EDRF1: variants seen among roughly 807,000 people sequenced by gnomAD.
EDRF1 encodes the protein erythroid differentiation-related factor 1.
A neutral mutation model predicts 148.7 loss-of-function variants in EDRF1; 69 were observed. The ratio of observed to expected loss-of-function variants is 0.46; its 90% confidence interval spans 0.38 to 0.57. The LOEUF is 0.57. Among genes scored for constraint, EDRF1 ranks in the 20% least tolerant of loss-of-function variants. The probability of loss-of-function intolerance (pLI) is 0.00; values close to 1 mark genes in which losing one functional copy is unlikely to be tolerated. For missense variants in EDRF1, 1,118 were observed against 1,478.7 expected (o/e 0.76, Z 4.00); for synonymous variants, 515 against 532.8 (o/e 0.97, Z 0.46).
intron 24 of EDRF1, among the ~76,000 whole-genome samples, chr10:125,756,400 C>T (rs769486569): frequency 2.6e-5 from 4 of 152,194 alleles, no homozygotes; most frequent in Non-Finnish European, 5.9e-5. Flanking sequence ...GAAAAATCTG[C>T]GTGTCCTGCT....
rs2133702537 is a variant in EDRF1 at position 125,735,828 on chromosome 10, G to A, written c.1682G>A (p.Ser561Asn). ...ACCAGCTCTGATCCATCAGATGATA[G>A]CAAAGCAGTAGCTATAATCAAGTCT... ...YSTSSDPSDD[S>N]KAVAIIKSVG... is the part of the protein sequence containing the mutation. The change falls in exon 13 of 25, where the codon AGC becomes AAC. Residue 561 changes from serine (S) to asparagine (N), a missense_variant. Physicochemically the swap from Ser to Asn is conservative, Grantham distance 46. Around this residue, in one of 3 missense-constraint regions of EDRF1, gnomAD observed 954 missense variants for 1,241.4 expected, o/e 0.77. Transcript: ENST00000356792. 2.5e-6 allele frequency: 4 copies of A among 1,613,364 alleles called. No homozygotes were observed. The highest frequency in any genetic ancestry group is 2.5e-6 in the Non-Finnish European group (3 of 1,179,440).
chr10:125,742,568 G>A, intron 17 of EDRF1: 1 of 985,268 alleles, frequency 1.0e-6, no homozygotes, highest in Non-Finnish European at 1.2e-6. Context: ...AGTCCTTGGT[G>A]TATTTTTACT....
intron 17 of EDRF1, 40 bp downstream of exon 17, chr10:125,741,241 T>C: frequency 6.4e-7 from 1 of 1,560,704 alleles, no homozygotes; most frequent in Non-Finnish European, 8.8e-7. Flanking sequence ...ACAGTGGGAC[T>C]GTGCAGTCTA....
At chr10:125,749,324 C>T in intron 21 of EDRF1, 88 bp from the exon 22 acceptor site, 1 of 1,467,348 alleles carries the variant, frequency 6.8e-7, no homozygotes. Flanking sequence ...GTAAGACCCA[C>T]AGTGGGGGAA....
intron 7 of EDRF1, 37 bp from the exon 8 acceptor site, chr10:125,729,321 G>T (rs1564734188): frequency 1.2e-6 from 2 of 1,608,338 alleles, no homozygotes; most frequent in South Asian, 2.2e-5. Context: ...ATTACAGATT[G>T]ACTGTTTATT....
rs759014661 is a variant in EDRF1 at position 125,729,129 on chromosome 10, T to G, written c.894+25T>G. 9.1e-6 allele frequency: 14 copies of G among 1,537,310 alleles called. No individual in the cohort carries two copies. The African/African-American group carries it at 1.2e-4, about 13-fold the overall frequency. On this transcript the variant is annotated intron_variant, in intron 7 of 24. Coordinates refer to ENST00000356792, the MANE Select transcript of EDRF1 (RefSeq NM_001202438.2). ...GGTATGCTTTCCATGGTGTCCAAGGTGACAGCAAATCCCCAGTCTACTTTG... is the reference window on the plus strand; with the variant it reads ...GGTATGCTTTCCATGGTGTCCAAGGGGACAGCAAATCCCCAGTCTACTTTG...
Position 125,735,778 on chromosome 10 carries a change from C to A in EDRF1, c.1632C>A (p.Asp544Glu), listed in dbSNP as rs1848697760. ...GTGAAGAGGAGGAAGAGATGCCCGA[C>A]AGTGATGAAAATGGATCCTATAGCA... The part of the protein sequence containing the change: ...SYSEEEEEMP[D>E]SDENGSYSTS... Residue 544 changes from aspartate to glutamate, a missense_variant, in exon 13 of 25, where the codon GAC becomes GAA. Physicochemically the swap from Asp to Glu is conservative, Grantham distance 45. Transcript: ENST00000356792. 1.2e-6 allele frequency: 2 copies of A among 1,613,766 alleles called. No homozygotes were observed. Among genetic ancestry groups the A allele is most frequent in the African/African-American group, 1.3e-5 (1 of 74,998 alleles).
rs1848620307 is a variant in EDRF1, at chr10:125,734,201, G to A, written c.1497+18G>A. ...ATCCTCAAGTAAGATTAACATTTAT[G>A]TATTCTCTAAAACAATCCTAGCATT... On this transcript the variant is annotated intron_variant, in intron 12 of 24. Transcript: ENST00000356792. 6.5e-7 allele frequency: 1 copy of A among 1,549,014 alleles called. No individual in the cohort carries two copies. The highest frequency in any genetic ancestry group is 1.4e-5 in the African/African-American group (1 of 73,632).
chr10:125,726,796 T>C (rs1350478060), intron 6 of EDRF1, among the ~76,000 whole-genome samples: 1 of 152,230 alleles, frequency 6.6e-6, no homozygotes, highest in East Asian at 1.9e-4. Flanking sequence ...GCAAGTCACA[T>C]AGTGGTAACA....
At chr10:125,748,164 T>C in intron 21 of EDRF1, 152 bp downstream of exon 21, 1 of 869,902 alleles carries the variant, frequency 1.1e-6, no homozygotes, top group Non-Finnish European at 1.9e-6. Flanking sequence ...TGCCTTTTTT[T>C]GTGCTGTGCC....
chr10:125,732,168 TGATTGA>T (rs1370378809), intron 9 of EDRF1, among the ~76,000 whole-genome samples: 1 of 152,148 alleles, frequency 6.6e-6, no homozygotes, highest in Non-Finnish European at 1.5e-5. Context: ...TTTGCAGTCT[TGATTGA>T]AAACCACTGT....
At chr10:125,741,348 G>T in intron 17 of EDRF1, 147 bp downstream of exon 17, 1 of 884,460 alleles carries the variant, frequency 1.1e-6, no homozygotes, top group Non-Finnish European at 1.8e-6. Context: ...ACGGAGTTTC[G>T]CTCTTGTTGC....
chr10:125,750,659 G>A (rs1443748353), intron 22 of EDRF1, among the ~76,000 whole-genome samples: 1 of 152,210 alleles, frequency 6.6e-6, no homozygotes, highest in Admixed American at 6.5e-5. Flanking sequence ...GAGGAAACCT[G>A]GAAGGCCAAG....
chr10:125,758,000 C>T (rs1043085017), intron 24 of EDRF1, among the ~76,000 whole-genome samples: 2 of 152,196 alleles, frequency 1.3e-5, no homozygotes, highest in Non-Finnish European at 2.9e-5. Flanking sequence ...TATTCCACAG[C>T]TCTTGGATAT....
At position 125,737,942 on chromosome 10, in the gene EDRF1, C is replaced by T; in HGVS notation, c.1783C>T (p.His595Tyr). The T allele has an allele frequency of 6.2e-7, 1 of 1,613,894 alleles. No individual in the cohort carries two copies. Among genetic ancestry groups the T allele is most frequent in the Non-Finnish European group, 8.5e-7 (1 of 1,179,888 alleles). Residue 595 changes from histidine to tyrosine, a missense_variant, in exon 14 of 25, where the codon CAT (histidine) becomes TAT (tyrosine). His to Tyr is a moderately conservative substitution (Grantham distance 83, BLOSUM62 2). Transcript: ENST00000356792. ...IRPSCAFPVC[H>Y]DTEERCRLVL... ...GCCCAGTTGTGCATTTCCAGTTTGC[C>T]ATGACACAGAAGAGCGCTGTAGACT...
chr10:125,726,078 T>C (rs1848246582), intron 6 of EDRF1, among the ~76,000 whole-genome samples: 1 of 152,154 alleles, frequency 6.6e-6, no homozygotes, highest in African/African-American at 2.4e-5. Flanking sequence ...AATCGAAATA[T>C]AATAGTTGAC....
In EDRF1 at chr10:125,738,409, G is replaced by A. The variant is rs375678912; in HGVS notation, c.1945G>A (p.Gly649Arg). Residue 649 changes from glycine (G) to arginine (R), a missense_variant, in exon 15 of 25, where the codon GGG becomes AGG. Physicochemically the swap from Gly to Arg is moderately radical, Grantham distance 125. Transcript: ENST00000356792. ...EDESSRGGPE[G>R]LEKQMALFLD... ...TGAATCCTCAAGAGGGGGTCCCGAG[G>A]GGCTAGAGAAGCAGATGGCCTTGTT... is the stretch of plus-strand genomic sequence containing the variant. 1.9e-6 allele frequency: 3 copies of A among 1,613,998 alleles called. No individual in the cohort carries two copies. Among genetic ancestry groups the A allele is most frequent in the Non-Finnish European group, 2.5e-6 (3 of 1,179,980 alleles).
At chr10:125,741,424 TCTC>T (rs1849013258) in intron 17 of EDRF1, 1 of 536,702 alleles carries the variant, frequency 1.9e-6, no homozygotes, top group South Asian at 1.6e-5. Context: ...TTCAAGCAAT[TCTC>T]CTGCCTCAGC....
chr10:125,735,597 A>G (rs1564738380), intron 12 of EDRF1, 47 bp from the exon 13 acceptor site: 6 of 1,590,704 alleles, frequency 3.8e-6, no homozygotes, highest in South Asian at 1.1e-5. Context: ...AAATTCATGT[A>G]TTTTTTGATG....
Sources: gnomAD v4.1 joint callset for allele counts (sites outside exome capture counted in the v4.1 genomes callset) on GRCh38, gnomAD v4.1.1 for gene constraint, gnomAD v4.1.1 regional missense constraint, MANE v1.5 for transcripts, NCBI Gene and HGNC (gene_info 2026-07-23, HGNC 2026-07-21) for gene names.